Variants in MDGA2 observed in about 807,000 individuals in gnomAD.
MDGA2 encodes MAM domain-containing glycosylphosphatidylinositol anchor protein 2.
MDGA2 carries 40 observed loss-of-function variants against 117.8 expected under a neutral mutation model. The ratio of observed to expected loss-of-function variants is 0.34; its 90% CI spans 0.26 to 0.44. The LOEUF (loss-of-function observed/expected upper bound fraction) is 0.44. Among genes scored for constraint, MDGA2 ranks in the 20% least tolerant of loss-of-function variants. The probability of loss-of-function intolerance (pLI) is 1.00; values close to 1 mark genes in which losing one functional copy is unlikely to be tolerated. For missense variants in MDGA2, 1,123 were observed against 1,250.6 expected, an observed-to-expected ratio of 0.90 and a Z score of 1.54; for synonymous variants, 452 against 439.0, an observed-to-expected ratio of 1.03 and a Z score of -0.37.
At chr14:47,341,676 G>C (rs1208846902) in intron 1 of MDGA2, among the ~76,000 whole-genome samples, 1 of 152,156 alleles carries the variant, frequency 6.6e-6, no homozygotes, top group Non-Finnish European at 1.5e-5. Context: ...TGGAAGAAAA[G>C]TGTTATGTGT....
chr14:47,508,617 G>C (rs570875427), intron 1 of MDGA2, among the ~76,000 whole-genome samples: 1 of 152,022 alleles, frequency 6.6e-6, no homozygotes. Context: ...CAATATAGGA[G>C]GCAATAAGAT....
At chr14:46,972,883 G>A (rs1356569630) in intron 8 of MDGA2, among the ~76,000 whole-genome samples, 1 of 152,068 alleles carries the variant, frequency 6.6e-6, no homozygotes. Flanking sequence ...ACTAATAAAT[G>A]ATTGTTACTG....
intron 1 of MDGA2, among the ~76,000 whole-genome samples, chr14:47,464,504 G>C (rs948521045): frequency 6.6e-6 from 1 of 151,962 alleles, no homozygotes; most frequent in Admixed American, 6.6e-5. Context: ...AAAAATCAAT[G>C]TATAAAAATC....
chr14:47,431,834 A>G (rs1349521781), intron 1 of MDGA2, among the ~76,000 whole-genome samples: 1 of 152,080 alleles, frequency 6.6e-6, no homozygotes, highest in Non-Finnish European at 1.5e-5. Context: ...GCTATACTTC[A>G]GTAAAGAGTC....
At chr14:47,620,609 C>G (rs1437477302) in intron 1 of MDGA2, among the ~76,000 whole-genome samples, 2 of 152,154 alleles carry the variant, frequency 1.3e-5, no homozygotes, top group Non-Finnish European at 2.9e-5. Context: ...TTTGTCTATT[C>G]CAATTTCCAA....
intron 1 of MDGA2, among the ~76,000 whole-genome samples, chr14:47,332,101 T>C (rs915672121): frequency 6.6e-6 from 1 of 152,032 alleles, no homozygotes; most frequent in African/African-American, 2.4e-5. Context: ...TTTTACTACA[T>C]GAACTGTTAC....
At chr14:46,916,653 AAG>A (rs1491085009) in intron 10 of MDGA2, among the ~76,000 whole-genome samples, 3 of 152,100 alleles carry the variant, frequency 2.0e-5, no homozygotes, top group African/African-American at 7.2e-5. Flanking sequence ...TTTTGAAAAA[AAG>A]AGGCGTGTGT....
At chr14:47,440,497 C>T (rs993526768) in intron 1 of MDGA2, among the ~76,000 whole-genome samples, 4 of 152,074 alleles carry the variant, frequency 2.6e-5, no homozygotes, top group South Asian at 2.1e-4. Flanking sequence ...TTAAGTCATA[C>T]GTAATTGTTA....
intron 1 of MDGA2, among the ~76,000 whole-genome samples, chr14:47,575,562 C>T (rs1048812605): frequency 6.6e-6 from 1 of 152,070 alleles, no homozygotes; most frequent in African/African-American, 2.4e-5. Context: ...TATTTCCAGG[C>T]AAAAATTACT....
chr14:47,065,918 A>T (rs970254774), intron 6 of MDGA2, among the ~76,000 whole-genome samples: 2 of 152,184 alleles, frequency 1.3e-5, no homozygotes, highest in Non-Finnish European at 2.9e-5. Context: ...AGGACTGACA[A>T]AACCTTGTTG....
chr14:47,228,599 G>T (rs11628718), intron 2 of MDGA2, among the ~76,000 whole-genome samples: 46,627 of 151,970 alleles, frequency 0.31, 7,558 homozygotes, highest in Middle Eastern at 0.39. Context: ...TGTTCAGTAG[G>T]TTAGGTAAAT....
chr14:47,130,982 C>T (rs994491637), intron 5 of MDGA2, among the ~76,000 whole-genome samples: 5 of 151,914 alleles, frequency 3.3e-5, no homozygotes, highest in Non-Finnish European at 7.4e-5. Flanking sequence ...CAAACCTGCA[C>T]GTTGTGCACA....
At chr14:47,237,724 T>C (rs8021895) in intron 2 of MDGA2, among the ~76,000 whole-genome samples, 72,320 of 151,794 alleles carry the variant, frequency 0.48, 17,914 homozygotes, top group Admixed American at 0.62. Context: ...ATCACCTCCA[T>C]ATGCAGTCCC....
At chr14:47,503,861 A>G (rs184934996) in intron 1 of MDGA2, among the ~76,000 whole-genome samples, 1 of 152,146 alleles carries the variant, frequency 6.6e-6, no homozygotes, top group African/African-American at 2.4e-5. Context: ...CTTTTTCACT[A>G]TGTATCTGTG....
At chr14:46,909,766 A>G (rs1160048545) in intron 10 of MDGA2, among the ~76,000 whole-genome samples, 5 of 152,158 alleles carry the variant, frequency 3.3e-5, no homozygotes, top group African/African-American at 4.8e-5. Flanking sequence ...TATCTTCAAA[A>G]TCAGCTTCTC....
chr14:47,394,397 C>T (rs1421762431), intron 1 of MDGA2, among the ~76,000 whole-genome samples: 3 of 152,168 alleles, frequency 2.0e-5, no homozygotes, highest in Non-Finnish European at 4.4e-5. Context: ...AGGTCCTAGA[C>T]TCCCAATATT....
chr14:47,435,807 A>T (rs1892885249), intron 1 of MDGA2, among the ~76,000 whole-genome samples: 1 of 152,042 alleles, frequency 6.6e-6, no homozygotes, highest in Admixed American at 6.6e-5. Context: ...GTTACTGAAA[A>T]AGTGCCCCCT....
intron 1 of MDGA2, among the ~76,000 whole-genome samples, chr14:47,454,258 A>G (rs1893301431): frequency 6.6e-6 from 1 of 152,166 alleles, no homozygotes; most frequent in South Asian, 2.1e-4. Context: ...GACAGAGCAA[A>G]TGACATTCTT....
chr14:46,844,116 ATAAAAT>A (rs1458532052), intron 16 of MDGA2, among the ~76,000 whole-genome samples: 6 of 152,222 alleles, frequency 3.9e-5, no homozygotes, highest in South Asian at 2.1e-4. Context: ...TGACAAAAAA[ATAAAAT>A]TAAATATATC....
Sources: allele counts gnomAD v4.1 joint callset (sites outside exome capture counted in the v4.1 genomes callset), GRCh38; gene constraint gnomAD v4.1.1; transcripts MANE v1.5; gene names NCBI Gene and HGNC (gene_info 2026-07-23, HGNC 2026-07-21).